Variants in USO1 observed in about 807,000 individuals in gnomAD.
The protein encoded by USO1 is general vesicular transport factor p115.
Under a neutral mutation model 124.5 loss-of-function variants are expected in USO1, and 57 were observed. That is an observed-to-expected ratio of 0.46 (90% CI 0.37 to 0.57). The LOEUF is 0.57. Among genes scored for constraint, USO1 ranks in the 20% least tolerant of loss-of-function variants. USO1 has a pLI of 0.00. For synonymous variants in USO1, 369 were observed against 362.8 expected, an observed-to-expected ratio of 1.02 and a Z score of -0.19; for missense variants, 900 against 1,040.6, an observed-to-expected ratio of 0.86 and a Z score of 1.86.
chr4:75,747,126 A>G (rs1331157344), intron 1 of USO1, among the ~76,000 whole-genome samples: 2 of 152,236 alleles, frequency 1.3e-5, no homozygotes, highest in African/African-American at 4.8e-5. Context: ...TCATAATTAC[A>G]TTCTTCTTTG....
At chr4:75,726,094 C>T (rs1720439516) in intron 1 of USO1, among the ~76,000 whole-genome samples, 1 of 152,114 alleles carries the variant, frequency 6.6e-6, no homozygotes, top group African/African-American at 2.4e-5. Context: ...CCAGCCTGAC[C>T]AACATGGAGA....
At chr4:75,779,657 T>C (rs953081680) in intron 8 of USO1, among the ~76,000 whole-genome samples, 3 of 152,100 alleles carry the variant, frequency 2.0e-5, no homozygotes, top group Non-Finnish European at 4.4e-5. Flanking sequence ...ACAAGGAAAG[T>C]TGGAAGAATG....
chr4:75,812,035 T>C, intron 22 of USO1, 125 bp from the exon 23 acceptor site: 4 of 1,406,204 alleles, frequency 2.8e-6, no homozygotes, highest in East Asian at 5.0e-5. Context: ...ACCCTTAACC[T>C]CCACCCCTAA....
intron 1 of USO1, among the ~76,000 whole-genome samples, chr4:75,737,929 G>A (rs1720841400): frequency 6.6e-6 from 1 of 151,806 alleles, no homozygotes; most frequent in Admixed American, 6.6e-5. Context: ...CCAGGTTCAA[G>A]CGATTCTCCT....
At chr4:75,725,004 G>C in intron 1 of USO1, 119 bp downstream of exon 1, 3 of 1,040,830 alleles carry the variant, frequency 2.9e-6, no homozygotes, top group East Asian at 2.6e-5. Flanking sequence ...TCCACATGCC[G>C]CCTCCCCCTT....
chr4:75,796,270 T>C (rs1722674574), intron 13 of USO1, among the ~76,000 whole-genome samples: 1 of 151,818 alleles, frequency 6.6e-6, no homozygotes, highest in Admixed American at 6.6e-5. Context: ...GGTGTTTGAG[T>C]GTATCTCTGT....
chr4:75,743,817 C>T (rs1338296397), intron 1 of USO1, among the ~76,000 whole-genome samples: 3 of 152,136 alleles, frequency 2.0e-5, no homozygotes, highest in African/African-American at 7.2e-5. Context: ...CGCTCTGTCA[C>T]CTAGGCTGGA....
chr4:75,790,682 A>G lies in USO1; in HGVS notation c.1125A>G (p.Glu375=). Residue 375 remains glutamate (E), a synonymous_variant, in exon 12 of 24, where the codon GAA becomes GAG. Transcript: ENST00000514213. ...TACTTCTCATGTCCATGGTTAATGA[A>G]AGGCAGCCATTTGTTTTGCGCTGTG... ...IVVLLMSMVN[E]RQPFVLRCAV... 6.2e-7 allele frequency: 1 copy of G among 1,612,236 alleles called. No homozygotes were observed. The highest frequency in any genetic ancestry group is 8.5e-7 in the Non-Finnish European group (1 of 1,179,380).
chr4:75,759,322 G>A (rs188351531), intron 4 of USO1, among the ~76,000 whole-genome samples: 5 of 144,912 alleles, frequency 3.5e-5, no homozygotes, highest in East Asian at 2.0e-4. Context: ...GGCTGGGCGC[G>A]GTGGCTCGCG....
intron 20 of USO1, among the ~76,000 whole-genome samples, chr4:75,808,205 G>A (rs1005923639): frequency 6.6e-6 from 1 of 152,076 alleles, no homozygotes; most frequent in Non-Finnish European, 1.5e-5. Context: ...GAGAAGGTGA[G>A]AAGTTTGGAA....
At chr4:75,773,986 G>A (rs3796479) in intron 7 of USO1, among the ~76,000 whole-genome samples, 46,571 of 151,792 alleles carry the variant, frequency 0.31, 8,781 homozygotes, top group East Asian at 0.77. Context: ...CTCATAAATT[G>A]CATAATACCA....
At chr4:75,755,645 C>G (rs1303502155) in intron 3 of USO1, among the ~76,000 whole-genome samples, 2 of 152,164 alleles carry the variant, frequency 1.3e-5, no homozygotes, top group Non-Finnish European at 2.9e-5. Context: ...TTCAAAGCCA[C>G]TAAGTCTAAT....
At chr4:75,803,308 AT>A (rs1434839343) in intron 17 of USO1, among the ~76,000 whole-genome samples, 1 of 152,000 alleles carries the variant, frequency 6.6e-6, no homozygotes, top group Non-Finnish European at 1.5e-5. Context: ...ATTGTGACAA[AT>A]TTTAAACCAT....
intron 3 of USO1, among the ~76,000 whole-genome samples, chr4:75,753,883 A>G (rs1291887398): frequency 2.1e-5 from 3 of 142,072 alleles, no homozygotes; most frequent in Admixed American, 7.6e-5. Flanking sequence ...TCCCGAGTTT[A>G]TGCCATTCTC....
At chr4:75,781,695 G>C (rs2149174970) in intron 8 of USO1, among the ~76,000 whole-genome samples, 1 of 152,186 alleles carries the variant, frequency 6.6e-6, no homozygotes, top group Non-Finnish European at 1.5e-5. Context: ...TGTCTGTGTA[G>C]AGAAACTCTA....
chr4:75,770,213 A>G (rs922309095), intron 4 of USO1: 9 of 295,854 alleles, frequency 3.0e-5, no homozygotes, highest in South Asian at 8.0e-5. Context: ...TCCTTTTTTT[A>G]GATATCATAT....
At chr4:75,737,236 T>C (rs2149141150) in intron 1 of USO1, among the ~76,000 whole-genome samples, 1 of 152,308 alleles carries the variant, frequency 6.6e-6, no homozygotes, top group East Asian at 1.9e-4. Context: ...TAAATAGTAA[T>C]ATTGCCTATC....
At chr4:75,760,426 A>G (rs1021606972) in intron 4 of USO1, among the ~76,000 whole-genome samples, 1 of 152,182 alleles carries the variant, frequency 6.6e-6, no homozygotes, top group Non-Finnish European at 1.5e-5. Context: ...AATCTCTTTT[A>G]GTATATCTGA....
At chr4:75,764,606 G>A (rs1023224903) in intron 4 of USO1, among the ~76,000 whole-genome samples, 6 of 152,072 alleles carry the variant, frequency 3.9e-5, no homozygotes, top group Non-Finnish European at 7.4e-5. Flanking sequence ...AATCCATCAA[G>A]TCTATATGTG....
Sources: allele counts gnomAD v4.1 joint callset (sites outside exome capture counted in the v4.1 genomes callset), GRCh38; gene constraint gnomAD v4.1.1; transcripts MANE v1.5; gene names NCBI Gene and HGNC (gene_info 2026-07-23, HGNC 2026-07-21).